UGT1A8: variants seen among roughly 807,000 people sequenced by gnomAD.
The protein encoded by UGT1A8 is UDP glucuronosyltransferase family 1 member A8.
UGT1A8 carries 39 observed loss-of-function variants against 45.3 expected under a neutral mutation model. The ratio of observed to expected loss-of-function variants is 0.86; its 90% CI spans 0.67 to 1.12. The LOEUF (loss-of-function observed/expected upper bound fraction) is 1.12. Among genes scored for constraint, UGT1A8 ranks in the 50% most tolerant of loss-of-function variants. The pLI, the probability that UGT1A8 is intolerant of heterozygous loss-of-function variation, is 0.00. For synonymous variants in UGT1A8, 275 were observed against 249.2 expected, an observed-to-expected ratio of 1.10 and a Z score of -0.97; for missense variants, 719 against 664.9, an observed-to-expected ratio of 1.08 and a Z score of -0.90.
At chr2:233,633,757 C>T (rs930605473) in intron 1 of UGT1A8, among the ~76,000 whole-genome samples, 7 of 152,058 alleles carry the variant, frequency 4.6e-5, no homozygotes, top group Admixed American at 1.3e-4. Flanking sequence ...TTCAAAAAAC[C>T]AGCTCCTGGA....
intron 1 of UGT1A8, among the ~76,000 whole-genome samples, chr2:233,732,755 G>GTTT (rs956485327): frequency 1.7e-5 from 2 of 120,222 alleles, no homozygotes; most frequent in African/African-American, 3.0e-5. Flanking sequence ...CACCAGCTTT[G>GTTT]TTTTTTTTTT....
At chr2:233,649,041 C>T in intron 1 of UGT1A8, 1 of 1,079,230 alleles carries the variant, frequency 9.3e-7, no homozygotes, top group South Asian at 2.4e-5. Flanking sequence ...GTCATTGCTC[C>T]TTTAGCACAT....
chr2:233,745,071 G>C (rs981811501), intron 1 of UGT1A8, among the ~76,000 whole-genome samples: 2 of 151,782 alleles, frequency 1.3e-5, no homozygotes. Flanking sequence ...TATTTGTATT[G>C]TTTTTTCATT....
chr2:233,755,131 T>C (rs1695774627), intron 1 of UGT1A8: 1 of 1,321,048 alleles, frequency 7.6e-7, no homozygotes, highest in African/African-American at 1.5e-5. Flanking sequence ...GCCACCTGCT[T>C]GAATCTTCTC....
intron 1 of UGT1A8, among the ~76,000 whole-genome samples, chr2:233,731,747 G>A (rs1273441220): frequency 1.3e-5 from 2 of 152,080 alleles, no homozygotes; most frequent in Non-Finnish European, 2.9e-5. Flanking sequence ...ATAAACATAC[G>A]TGTGCATGTG....
chr2:233,727,264 C>T (rs1345980059), intron 1 of UGT1A8, among the ~76,000 whole-genome samples: 1 of 152,152 alleles, frequency 6.6e-6, no homozygotes, highest in East Asian at 1.9e-4. Flanking sequence ...CAGACCCCTC[C>T]TCATCTCCAG....
chr2:233,680,241 A>G (rs2074479901), intron 1 of UGT1A8, among the ~76,000 whole-genome samples: 1 of 152,154 alleles, frequency 6.6e-6, no homozygotes, highest in Non-Finnish European at 1.5e-5. Flanking sequence ...AGGTTTAAAA[A>G]ATTACACTAA....
chr2:233,768,495 T>C (rs1699626018), intron 4 of UGT1A8, 56 bp downstream of exon 4: 19 of 1,573,996 alleles, frequency 1.2e-5, no homozygotes, highest in Non-Finnish European at 1.5e-5. Flanking sequence ...ATAAAATTGT[T>C]TCAAATATGA....
intron 1 of UGT1A8, among the ~76,000 whole-genome samples, chr2:233,720,293 G>A (rs1340833186): frequency 6.6e-6 from 1 of 152,182 alleles, no homozygotes; most frequent in Non-Finnish European, 1.5e-5. Flanking sequence ...CTGACCAGGA[G>A]TTGGGGGTCT....
intron 1 of UGT1A8, among the ~76,000 whole-genome samples, chr2:233,759,538 A>T (rs1009544779): frequency 6.6e-6 from 1 of 152,036 alleles, no homozygotes. Context: ...TTCTGTTCAC[A>T]TGCGCTCCAG....
chr2:233,627,628 C>CCTTA (rs2073109587), intron 1 of UGT1A8, among the ~76,000 whole-genome samples: 2 of 83,418 alleles, frequency 2.4e-5, no homozygotes, highest in East Asian at 2.8e-4. Flanking sequence ...TTCCTTTCTT[C>CCTTA]CTTCCTTCCT....
At chr2:233,760,540 A>G (rs777452318) in intron 1 of UGT1A8, 2 of 1,614,130 alleles carry the variant, frequency 1.2e-6, no homozygotes, top group Non-Finnish European at 8.5e-7. Flanking sequence ...GCCATTCCAA[A>G]GGGAGGATGT....
At position 233,767,903 on chromosome 2, in the gene UGT1A8, C is replaced by G. The variant is rs549391527; in HGVS notation, c.1042C>G (p.Leu348Val). 1.2e-6 allele frequency: 2 copies of G among 1,614,060 alleles called. No homozygotes were observed. Among genetic ancestry groups the G allele is most frequent in the African/African-American group, 1.3e-5 (1 of 74,904 alleles). ...RPSNLANNTILVKWLPQNDLL... is the reference protein window; with the variant it reads ...RPSNLANNTIVVKWLPQNDLL... ...ATCGAATCTTGCGAACAACACGATA[C>G]TTGTTAAGTGGCTACCCCAAAACGA... The change falls in exon 3 of 5, where the codon CTT becomes GTT. Residue 348 changes from leucine to valine, a missense_variant. By Grantham distance (32) the Leu-to-Val change is conservative. Coordinates refer to ENST00000373450, the MANE Select transcript of UGT1A8 (RefSeq NM_019076.5).
intron 1 of UGT1A8, among the ~76,000 whole-genome samples, chr2:233,643,792 T>C (rs2073526153): frequency 6.6e-6 from 1 of 152,142 alleles, no homozygotes; most frequent in Non-Finnish European, 1.5e-5. Context: ...GGGCCCTTTC[T>C]TTTAAGGCAG....
At chr2:233,748,210 C>T in intron 1 of UGT1A8, 1 of 1,497,674 alleles carries the variant, frequency 6.7e-7, no homozygotes, top group Non-Finnish European at 9.0e-7. Flanking sequence ...TAATAGCCTT[C>T]AGTGAGATAA....
chr2:233,617,714 C>T lies in UGT1A8; in HGVS notation c.7C>T (p.Arg3Cys), dbSNP rs745437817. The T allele has an allele frequency of 3.0e-5, 49 of 1,612,404 alleles. 1 individual carries two copies. The highest frequency in any genetic ancestry group is 1.8e-4 in the South Asian group (16 of 90,758). MA[R>C]TGWTSPIPLC... ...CTCGGGCTGCAGTTCTCTCATGGCT[C>T]GCACAGGGTGGACCAGCCCCATTCC... Residue 3 changes from arginine to cysteine, a missense_variant, in exon 1 of 5, where the codon CGC becomes TGC. Physicochemically the swap from Arg to Cys is radical, Grantham distance 180 (BLOSUM62 -3). Transcript: ENST00000373450.
intron 1 of UGT1A8, among the ~76,000 whole-genome samples, chr2:233,638,422 A>T (rs988030709): frequency 6.6e-6 from 1 of 152,162 alleles, no homozygotes; most frequent in African/African-American, 2.4e-5. Flanking sequence ...TATGCATTAG[A>T]TGTACAATAT....
chr2:233,637,451 G>A (rs2073327765), intron 1 of UGT1A8: 3 of 1,511,920 alleles, frequency 2.0e-6, no homozygotes. Context: ...TTACTGAACT[G>A]TGATTTGACA....
intron 1 of UGT1A8, among the ~76,000 whole-genome samples, chr2:233,681,516 G>A (rs2074526224): frequency 7.9e-6 from 1 of 126,814 alleles, no homozygotes; most frequent in South Asian, 2.7e-4. Flanking sequence ...GGATGACACA[G>A]TGAGACTCCA....
Sources: gnomAD v4.1 joint callset for allele counts (sites outside exome capture counted in the v4.1 genomes callset) on GRCh38, gnomAD v4.1.1 for gene constraint, MANE v1.5 for transcripts, NCBI Gene and HGNC (gene_info 2026-07-23, HGNC 2026-07-21) for gene names.